The following NEGR1 variants were observed in gnomAD, a reference collection of about 807,000 sequenced individuals.
NEGR1 encodes the protein neuronal growth regulator 1.
In NEGR1, 10 loss-of-function variants were observed where a neutral mutation model predicts 40.9. The ratio of observed to expected loss-of-function variants is 0.24; its 90% CI spans 0.15 to 0.42. The LOEUF (loss-of-function observed/expected upper bound fraction) is 0.42, where lower values mean the gene tolerates loss of function less well. Among genes scored for constraint, NEGR1 ranks in the 10% least tolerant of loss-of-function variants. NEGR1 has a pLI of 1.00. For missense variants in NEGR1, 352 were observed against 438.9 expected (o/e 0.80, Z 1.77); for synonymous variants, 185 against 166.8 (o/e 1.11, Z -0.84).
intron 3 of NEGR1, among the ~76,000 whole-genome samples, chr1:71,758,858 T>C (rs1161971305): frequency 2.0e-4 from 31 of 152,200 alleles, no homozygotes; most frequent in Admixed American, 2.0e-3. Context: ...AAAATTCCAG[T>C]AGGTTTTATC....
At chr1:71,590,900 A>C (rs1372162855) in intron 6 of NEGR1, among the ~76,000 whole-genome samples, 1 of 151,978 alleles carries the variant, frequency 6.6e-6, no homozygotes. Flanking sequence ...CTAAAGATTT[A>C]CTCCTTGCTT....
intron 2 of NEGR1, among the ~76,000 whole-genome samples, chr1:71,883,382 C>T (rs1480965298): frequency 6.6e-6 from 1 of 151,766 alleles, no homozygotes; most frequent in Admixed American, 6.6e-5. Context: ...ATCATGTTGG[C>T]TAATTTTAGA....
intron 6 of NEGR1, among the ~76,000 whole-genome samples, chr1:71,509,242 A>G (rs577663268): frequency 1.3e-5 from 2 of 152,310 alleles, no homozygotes; most frequent in Admixed American, 6.5e-5. Flanking sequence ...TGCATTGCAT[A>G]TTGGCTCTAT....
intron 3 of NEGR1, among the ~76,000 whole-genome samples, chr1:71,716,326 A>C (rs1241606898): frequency 1.3e-5 from 2 of 152,066 alleles, no homozygotes; most frequent in African/African-American, 4.8e-5. Flanking sequence ...AAACCATATC[A>C]CCTATCTTCT....
intron 1 of NEGR1, chr1:72,274,795 C>T (rs746659492): frequency 9.7e-6 from 14 of 1,443,992 alleles, no homozygotes; most frequent in Middle Eastern, 1.7e-4. Flanking sequence ...TGTAAAAGAT[C>T]GGGTAGAAAA....
intron 2 of NEGR1, among the ~76,000 whole-genome samples, chr1:71,789,403 T>G (rs1657031925): frequency 6.6e-6 from 1 of 152,164 alleles, no homozygotes; most frequent in Non-Finnish European, 1.5e-5. Flanking sequence ...TAAATGTTCC[T>G]TGTTTAGAGA....
chr1:71,563,893 T>C (rs2101483874), intron 6 of NEGR1, among the ~76,000 whole-genome samples: 1 of 151,894 alleles, frequency 6.6e-6, no homozygotes, highest in East Asian at 2.0e-4. Context: ...GATACACTGT[T>C]GGTGTCCTTT....
intron 1 of NEGR1, among the ~76,000 whole-genome samples, chr1:72,053,357 ATT>A (rs71586971): frequency 4.5e-4 from 67 of 148,678 alleles, no homozygotes; most frequent in Non-Finnish European, 6.0e-4. Flanking sequence ...ATAATTTAGG[ATT>A]TTTTTTTTTC....
chr1:72,076,585 C>T (rs1452071318), intron 1 of NEGR1, among the ~76,000 whole-genome samples: 1 of 145,666 alleles, frequency 6.9e-6, no homozygotes, highest in African/African-American at 2.5e-5. Context: ...GGCTGGCTGA[C>T]AGTATATCTT....
chr1:71,525,627 G>A (rs1413531206), intron 6 of NEGR1, among the ~76,000 whole-genome samples: 2 of 151,554 alleles, frequency 1.3e-5, no homozygotes, highest in Admixed American at 6.6e-5. Context: ...CAAAAAACTT[G>A]TTTCCTGTTC....
chr1:71,872,869 T>C (rs989203108), intron 2 of NEGR1, among the ~76,000 whole-genome samples: 1 of 152,128 alleles, frequency 6.6e-6, no homozygotes, highest in African/African-American at 2.4e-5. Context: ...TTCTTGTTTG[T>C]TGCCATGTGG....
intron 2 of NEGR1, among the ~76,000 whole-genome samples, chr1:71,882,066 T>C (rs1205634463): frequency 6.6e-6 from 1 of 152,042 alleles, no homozygotes; most frequent in East Asian, 1.9e-4. Flanking sequence ...CTTCCAAACA[T>C]GTTGCCTTCC....
intron 6 of NEGR1, among the ~76,000 whole-genome samples, chr1:71,546,470 C>G (rs1159000469): frequency 6.6e-6 from 1 of 151,266 alleles, no homozygotes; most frequent in African/African-American, 2.4e-5. Flanking sequence ...TAAAATTTTA[C>G]CAAAAAATAA....
chr1:71,817,977 A>G (rs1658288644), intron 2 of NEGR1, among the ~76,000 whole-genome samples: 1 of 152,074 alleles, frequency 6.6e-6, no homozygotes, highest in East Asian at 1.9e-4. Context: ...GCAAATCAAA[A>G]CCACAGTGAG....
rs1206988692 is a variant in NEGR1, at chr1:72,055,926, G to A, written c.177-120615C>T. Among the ~76,000 whole-genome samples the A allele has an allele frequency of 2.0e-5, 3 of 150,300 alleles. No homozygotes were observed. In the South Asian group the frequency reaches 6.3e-4, roughly 31 times the overall value. The stretch of plus-strand genomic sequence containing the variant: ...ATACTAGTTCTTAAAATAATTACCT[G>A]TGTTACCTTAAGTAAACTACTCAAT... On this transcript the variant is annotated intron_variant, in intron 1 of 6. Coordinates refer to ENST00000357731, the MANE Select transcript of NEGR1 (RefSeq NM_173808.3).
At chr1:71,566,354 G>C (rs1181521092) in intron 6 of NEGR1, among the ~76,000 whole-genome samples, 2 of 151,788 alleles carry the variant, frequency 1.3e-5, no homozygotes, top group Non-Finnish European at 2.9e-5. Flanking sequence ...TCCGTATTTC[G>C]TATATAAGTA....
At chr1:71,948,427 C>G (rs1646039822) in intron 1 of NEGR1, among the ~76,000 whole-genome samples, 1 of 151,154 alleles carries the variant, frequency 6.6e-6, no homozygotes, top group Admixed American at 6.6e-5. Context: ...ATGATCAACT[C>G]TTTGTTATTG....
In NEGR1 at chr1:71,641,869, T is replaced by C. The variant is rs145831342; in HGVS notation, c.668-30723A>G. 8.9e-4 allele frequency among the ~76,000 whole-genome samples: 135 copies of C among 152,118 alleles called. 3 individuals carry two copies. In the East Asian group the frequency reaches 0.019, roughly 22 times the overall value. On this transcript the variant is annotated intron_variant, in intron 4 of 6. Coordinates refer to ENST00000357731, the MANE Select transcript of NEGR1 (RefSeq NM_173808.3). ...AGGGTTATTTGAAGAGTGACAAGAA[T>C]GACATCTTGCTGGAACAAGAAGCAC...
At chr1:71,418,371 T>TG (rs1646370940) in intron 6 of NEGR1, among the ~76,000 whole-genome samples, 1 of 151,858 alleles carries the variant, frequency 6.6e-6, no homozygotes, top group South Asian at 2.1e-4. Flanking sequence ...TGGAGTGCAG[T>TG]GGGGCAATCT....
Sources: allele counts gnomAD v4.1 joint callset (sites outside exome capture counted in the v4.1 genomes callset), GRCh38; gene constraint gnomAD v4.1.1; transcripts MANE v1.5; gene names NCBI Gene and HGNC (gene_info 2026-07-23, HGNC 2026-07-21).